The following RORB variants were observed in gnomAD, a reference collection of about 807,000 sequenced individuals.
RORB encodes RAR related orphan receptor B, also known as nuclear receptor ROR-beta.
In RORB, 6 loss-of-function variants were observed where a neutral mutation model predicts 59.1. That is an observed-to-expected ratio of 0.10 (90% CI 0.06 to 0.20). The LOEUF (loss-of-function observed/expected upper bound fraction) is 0.20, where lower values mean the gene tolerates loss of function less well. Ranked by LOEUF, RORB falls within the 10% of genes least tolerant of loss-of-function variation. RORB has a pLI of 1.00. For synonymous variants in RORB, 215 were observed against 204.5 expected (o/e 1.05, Z -0.44); for missense variants, 320 against 560.5 (o/e 0.57, Z 4.33).
At chr9:74,504,986 C>A (rs1825850910) in intron 1 of RORB, among the ~76,000 whole-genome samples, 1 of 151,886 alleles carries the variant, frequency 6.6e-6, no homozygotes, top group Non-Finnish European at 1.5e-5. Context: ...CATGTGACAA[C>A]CAGAGATATA....
chr9:74,509,620 A>G (rs2118035405), intron 1 of RORB, among the ~76,000 whole-genome samples: 1 of 152,170 alleles, frequency 6.6e-6, no homozygotes. Flanking sequence ...CTCTATCTTC[A>G]GCTATAAGCA....
At chr9:74,504,126 A>C (rs748922903) in intron 1 of RORB, among the ~76,000 whole-genome samples, 2 of 152,056 alleles carry the variant, frequency 1.3e-5, no homozygotes, top group Non-Finnish European at 2.9e-5. Context: ...CTCAAGTCCC[A>C]GATTTGGTGG....
At chr9:74,546,580 T>G (rs1473313002) in intron 1 of RORB, among the ~76,000 whole-genome samples, 2 of 152,176 alleles carry the variant, frequency 1.3e-5, no homozygotes, top group African/African-American at 4.8e-5. Context: ...CTTTGATGCT[T>G]AATCATGGAC....
chr9:74,621,400 A>G (rs1038923372), intron 1 of RORB, among the ~76,000 whole-genome samples: 5 of 152,238 alleles, frequency 3.3e-5, no homozygotes, highest in South Asian at 2.1e-4. Flanking sequence ...AGTTTCCAAC[A>G]TATATTTTCG....
In RORB at chr9:74,588,141, G is replaced by A. The variant is rs758789357; in HGVS notation, c.8-42141G>A. 1.1e-3 allele frequency among the ~76,000 whole-genome samples: 166 copies of A among 152,162 alleles called. 1 individual carries two copies. Among genetic ancestry groups the A allele is most frequent in the Non-Finnish European group, 1.8e-3 (125 of 68,012 alleles). ...TTTAATAAGGCAGGGAAATGGTGGC[G>A]AGAAGAGTAGACTAAATTTAAACAA... On this transcript the variant is annotated intron_variant, in intron 1 of 9. Coordinates refer to ENST00000376896, the MANE Select transcript of RORB (RefSeq NM_006914.4).
intron 1 of RORB, among the ~76,000 whole-genome samples, chr9:74,505,098 G>A (rs967306326): frequency 1.3e-5 from 2 of 152,002 alleles, no homozygotes; most frequent in Non-Finnish European, 2.9e-5. Flanking sequence ...AAAGGCCTTG[G>A]CATTTATAAC....
chr9:74,668,709 G>A (rs1824305163), intron 8 of RORB, among the ~76,000 whole-genome samples: 1 of 152,168 alleles, frequency 6.6e-6, no homozygotes, highest in South Asian at 2.1e-4. Context: ...CATCATAAAG[G>A]TCTTCATCAT....
intron 6 of RORB, among the ~76,000 whole-genome samples, chr9:74,664,625 A>C (rs572690751): frequency 3.9e-5 from 6 of 152,344 alleles, no homozygotes; most frequent in African/African-American, 1.2e-4. Context: ...ATATTTGCAA[A>C]TCCTCCCCAT....
chr9:74,683,322 T>A (rs1028936096), intron 9 of RORB, among the ~76,000 whole-genome samples: 1 of 152,142 alleles, frequency 6.6e-6, no homozygotes, highest in African/African-American at 2.4e-5. Flanking sequence ...TTTGAATAAT[T>A]TCCCAAGCGA....
chr9:74,612,304 T>C (rs1823242729), intron 1 of RORB, among the ~76,000 whole-genome samples: 1 of 152,070 alleles, frequency 6.6e-6, no homozygotes, highest in Non-Finnish European at 1.5e-5. Flanking sequence ...ATGGCTCAGG[T>C]GAATGGATGG....
chr9:74,574,641 G>A (rs1183189441), intron 1 of RORB, among the ~76,000 whole-genome samples: 1 of 152,002 alleles, frequency 6.6e-6, no homozygotes, highest in African/African-American at 2.4e-5. Flanking sequence ...AGTCAGAATT[G>A]GGCACAGACT....
At chr9:74,583,987 A>T (rs1356995637) in intron 1 of RORB, among the ~76,000 whole-genome samples, 1 of 152,072 alleles carries the variant, frequency 6.6e-6, no homozygotes, top group Admixed American at 6.6e-5. Flanking sequence ...GGGTACAAAA[A>T]TGCAACTTTT....
chr9:74,675,736 G>A (rs7846715), intron 9 of RORB, among the ~76,000 whole-genome samples: 4,779 of 152,246 alleles, frequency 0.031, 232 homozygotes, highest in African/African-American at 0.11. Context: ...CAGCGTGCCC[G>A]TCAGTCTTCC....
intron 1 of RORB, among the ~76,000 whole-genome samples, chr9:74,606,952 C>T (rs1284229207): frequency 6.6e-6 from 1 of 152,114 alleles, no homozygotes; most frequent in East Asian, 1.9e-4. Flanking sequence ...GTGATAACCA[C>T]AATGGAAGAC....
At chr9:74,592,524 G>T (rs1211612438) in intron 1 of RORB, among the ~76,000 whole-genome samples, 4 of 152,096 alleles carry the variant, frequency 2.6e-5, no homozygotes, top group Non-Finnish European at 4.4e-5. Context: ...TGCTGATGGG[G>T]AGAAGAGTAC....
chr9:74,546,026 G>A (rs1826481919), intron 1 of RORB, among the ~76,000 whole-genome samples: 1 of 152,166 alleles, frequency 6.6e-6, no homozygotes, highest in Non-Finnish European at 1.5e-5. Flanking sequence ...TGATACTAAT[G>A]ATAGTTTTTA....
intron 1 of RORB, among the ~76,000 whole-genome samples, chr9:74,614,586 T>C (rs778238770): frequency 3.3e-5 from 5 of 151,932 alleles, no homozygotes; most frequent in Non-Finnish European, 7.4e-5. Flanking sequence ...ATATACATAA[T>C]AAAATTTATT....
intron 1 of RORB, among the ~76,000 whole-genome samples, chr9:74,540,865 T>C (rs1826395175): frequency 6.6e-6 from 1 of 152,174 alleles, no homozygotes; most frequent in South Asian, 2.1e-4. Flanking sequence ...GTTAAATACA[T>C]CAATTATTTT....
intron 4 of RORB, among the ~76,000 whole-genome samples, chr9:74,654,365 AGAG>A (rs779357803): frequency 8.6e-6 from 1 of 116,136 alleles, no homozygotes; most frequent in Non-Finnish European, 1.8e-5. Context: ...AGAGAGAGAG[AGAG>A]AGAGTAAGGA....
Sources: gnomAD v4.1 joint callset for allele counts (sites outside exome capture counted in the v4.1 genomes callset) on GRCh38, gnomAD v4.1.1 for gene constraint, MANE v1.5 for transcripts, NCBI Gene and HGNC (gene_info 2026-07-23, HGNC 2026-07-21) for gene names.